GPR20: variants seen among roughly 807,000 people sequenced by gnomAD.
GPR20 encodes CTD-3064M3.3.
For synonymous variants in GPR20, 241 were observed against 241.9 expected (o/e 1.00, Z 0.04); for missense variants, 494 against 527.4 (o/e 0.94, Z 0.62).
intron 1 of GPR20, among the ~76,000 whole-genome samples, chr8:141,359,214 C>CTG (rs1831697913): frequency 6.6e-6 from 1 of 152,146 alleles, no homozygotes; most frequent in South Asian, 2.1e-4. Flanking sequence ...GTGGCCCCTG[C>CTG]TGTAAACAGG....
At chr8:141,361,023 C>T (rs1438371989) in intron 1 of GPR20, among the ~76,000 whole-genome samples, 1 of 152,242 alleles carries the variant, frequency 6.6e-6, no homozygotes, top group Non-Finnish European at 1.5e-5. Context: ...GGAGATGGTC[C>T]TGTCTCCTCC....
chr8:141,361,538 G>A (rs1312443622), intron 1 of GPR20, among the ~76,000 whole-genome samples: 1 of 152,202 alleles, frequency 6.6e-6, no homozygotes, highest in East Asian at 1.9e-4. Context: ...GAAAGTATGG[G>A]ACAAGCTGCC....
At chr8:141,358,824 G>T (rs532964557) in intron 1 of GPR20, among the ~76,000 whole-genome samples, 4 of 152,194 alleles carry the variant, frequency 2.6e-5, no homozygotes, top group Non-Finnish European at 4.4e-5. Context: ...AGGCCCCTGT[G>T]GGGTGGCTGG....
At chr8:141,361,493 C>CA (rs1375515047) in intron 1 of GPR20, among the ~76,000 whole-genome samples, 1 of 152,210 alleles carries the variant, frequency 6.6e-6, no homozygotes. Flanking sequence ...CCTGATGTGC[C>CA]AGCCCAGAGT....
Position 141,357,858 on chromosome 8 carries a change from T to C in GPR20, c.66A>G (p.Thr22=). Reference sequence around the variant, plus strand: ...CCAGCCCGCTGGCATTGGTCCGCACTGTTGTCACTGCGGTGGCATTGGGGA... The same window carrying C: ...CCAGCCCGCTGGCATTGGTCCGCACCGTTGTCACTGCGGTGGCATTGGGGA... ...GAVPNATAVT[T]VRTNASGLEV... The change falls in exon 2 of 2, where the codon ACA becomes ACG. Residue 22 remains threonine, a synonymous_variant. Coordinates refer to ENST00000377741, the MANE Select transcript of GPR20 (RefSeq NM_005293.3). 4 of 1,611,126 alleles carry C rather than the reference T, an allele frequency of 2.5e-6. No individual in the cohort carries two copies. Among genetic ancestry groups the C allele is most frequent in the Non-Finnish European group, 3.4e-6 (4 of 1,178,632 alleles).
rs571270059 is a variant in GPR20, at chr8:141,356,637, C to T, written c.*210G>A. The T allele has an allele frequency of 4.0e-5, 20 of 500,736 alleles. No homozygotes were observed. The highest frequency in any genetic ancestry group is 1.1e-4 in the South Asian group (3 of 26,476). The allele number at this position is 500,736 out of a possible 1,614,324, so 31.0% of individuals were successfully genotyped here. A position where few individuals can be genotyped will look rare whatever the true frequency, so the allele number is the denominator to read the frequency against. On this transcript the variant is annotated 3_prime_UTR_variant, in exon 2 of 2. Transcript: ENST00000377741. ...CTATACCCCAGGAACAGCAAATCAC[C>T]GGCATTCAGGCCACCACATCCCATC...
At position 141,357,146 on chromosome 8, in the gene GPR20, G is replaced by C. The variant is rs36092215; in HGVS notation, c.778C>G (p.Arg260Gly). 6.2e-6 allele frequency: 10 copies of C among 1,609,282 alleles called. No individual in the cohort carries two copies. The African/African-American group carries it at 1.2e-4, about 19-fold the overall frequency. Reference sequence around the variant, plus strand: ...GGCCACAGCGCCACGGCCACTTGGCGGGCGTGGAAGGGCGTGAAGCAGACG... The same window carrying C: ...GGCCACAGCGCCACGGCCACTTGGCCGGCGTGGAAGGGCGTGAAGCAGACG... ...FLVCFTPFHARQVAVALWPDM... is the reference protein window; with the variant it reads ...FLVCFTPFHAGQVAVALWPDM... The change falls in exon 2 of 2, where the codon CGC (arginine) becomes GGC (glycine). Residue 260 changes from arginine (R) to glycine (G), a missense_variant. Arg to Gly is a moderately radical substitution (Grantham distance 125, BLOSUM62 -2). Transcript: ENST00000377741.
chr8:141,357,309 G>T lies in GPR20; in HGVS notation c.615C>A (p.Phe205Leu). 6.5e-7 allele frequency: 1 copy of T among 1,543,114 alleles called. No homozygotes were observed. The highest frequency in any genetic ancestry group is 8.7e-7 in the Non-Finnish European group (1 of 1,149,212). The change falls in exon 2 of 2, where the codon TTC (phenylalanine) becomes TTA (leucine). Residue 205 changes from phenylalanine to leucine, a missense_variant. Physicochemically the swap from Phe to Leu is conservative, Grantham distance 22. Coordinates refer to ENST00000377741, the MANE Select transcript of GPR20 (RefSeq NM_005293.3). ...CRVFALTVLE[F>L]LLPLLVISVF... ...CGCTGATGACCAGCAGGGGCAGCAG[G>T]AACTCCAGGACAGTCAGCGCAAAGA... is the stretch of plus-strand genomic sequence containing the variant.
At chr8:141,364,045 C>T (rs925241116) in intron 1 of GPR20, among the ~76,000 whole-genome samples, 6 of 152,252 alleles carry the variant, frequency 3.9e-5, no homozygotes, top group Non-Finnish European at 8.8e-5. Context: ...GAGTGGTGTC[C>T]TCACGGTTAC....
intron 1 of GPR20, among the ~76,000 whole-genome samples, chr8:141,364,950 T>C (rs7010189): frequency 0.021 from 3,270 of 152,286 alleles, 94 homozygotes; most frequent in African/African-American, 0.068. Flanking sequence ...CCTCAGCCTC[T>C]CCAGGAGCTG....
At position 141,357,214 on chromosome 8, in the gene GPR20, A is replaced by ACGCGG; in HGVS notation, c.705_709dup (p.Val237AlafsTer49). 1 of 1,568,794 alleles carries ACGCGG rather than the reference A, an allele frequency of 6.4e-7. No individual in the cohort carries two copies. The highest frequency in any genetic ancestry group is 1.1e-5 in the South Asian group (1 of 87,292). On this transcript the variant is annotated frameshift_variant, in exon 2 of 2. Coordinates refer to ENST00000377741, the MANE Select transcript of GPR20 (RefSeq NM_005293.3). LOFTEE classifies it low-confidence loss of function (END_TRUNC). ...CGTGAGCAGGAGCTGCATGGCCCGC[A>ACGCGG]CGCGGCGCTGGCGACCCTGGTGGAG...
At chr8:141,366,751 G>C (rs1586512587) in intron 1 of GPR20, among the ~76,000 whole-genome samples, 1 of 152,236 alleles carries the variant, frequency 6.6e-6, no homozygotes, top group East Asian at 1.9e-4. Context: ...TGAGGCCCCA[G>C]AGCCTGCCAA....
intron 1 of GPR20, among the ~76,000 whole-genome samples, chr8:141,366,411 G>T (rs1051274444): frequency 6.6e-6 from 1 of 152,084 alleles, no homozygotes; most frequent in East Asian, 1.9e-4. Context: ...GCTGCTCCAC[G>T]TCTGCCCCGC....
intron 1 of GPR20, among the ~76,000 whole-genome samples, chr8:141,363,535 G>C (rs1262342889): frequency 1.3e-5 from 2 of 152,238 alleles, no homozygotes; most frequent in Non-Finnish European, 2.9e-5. Context: ...CCAGAGCACT[G>C]ATGGGGGCTG....
chr8:141,358,321 A>G lies in GPR20; in HGVS notation c.-24-374T>C, dbSNP rs539662537. ...GATAAGGGCAAGACCACGGGGCTCC[A>G]GTGTGCAGTTCCAGGGCCTGGCTCC... On this transcript the variant is annotated intron_variant, in intron 1 of 1. Transcript: ENST00000377741. Among the ~76,000 whole-genome samples, 6 of 152,346 alleles carry G rather than the reference A, an allele frequency of 3.9e-5. No homozygotes were observed. The South Asian group carries it at 6.2e-4, about 16-fold the overall frequency.
chr8:141,357,192 G>A lies in GPR20; in HGVS notation c.732C>T (p.Leu244=), dbSNP rs1831657136. 1.3e-6 allele frequency: 2 copies of A among 1,591,662 alleles called. No homozygotes were observed. The highest frequency in any genetic ancestry group is 1.7e-6 in the Non-Finnish European group (2 of 1,171,756). Residue 244 remains leucine (L), a synonymous_variant, in exon 2 of 2, where the codon CTC becomes CTT. Coordinates refer to ENST00000377741, the MANE Select transcript of GPR20 (RefSeq NM_005293.3). ...AGACGAGAAAGATGATGAGCACCGT[G>A]AGCAGGAGCTGCATGGCCCGCACGC... ...QRRVRAMQLL[L]TVLIIFLVCF...
In GPR20 at chr8:141,357,000, G is replaced by A. The variant is rs758227302; in HGVS notation, c.924C>T (p.Val308=). 1 of 1,613,132 alleles carries A rather than the reference G, an allele frequency of 6.2e-7. No individual in the cohort carries two copies. Among genetic ancestry groups the A allele is most frequent in the Non-Finnish European group, 8.5e-7 (1 of 1,179,922 alleles). ...CTCCGTGCTGGCCGAAGAGGCCTCG[G>A]ACGGTGGCCTGGAAGCCACTGGTGA... ...CFVTSGFQAT[V]RGLFGQHGER... Residue 308 remains valine (V), a synonymous_variant, in exon 2 of 2, where the codon GTC becomes GTT. Transcript: ENST00000377741.
At chr8:141,364,612 AC>A (rs1415980435) in intron 1 of GPR20, among the ~76,000 whole-genome samples, 1 of 152,192 alleles carries the variant, frequency 6.6e-6, no homozygotes, top group Non-Finnish European at 1.5e-5. Flanking sequence ...GTGGGGAAGG[AC>A]ACCTGGGCCC....
rs1001674111 is a variant in GPR20, at chr8:141,356,647, G to A, written c.*200C>T. Reference sequence around the variant, plus strand: ...GGAACAGCAAATCACCGGCATTCAGGCCACCACATCCCATCGGAGCCAGTG... The same window carrying A: ...GGAACAGCAAATCACCGGCATTCAGACCACCACATCCCATCGGAGCCAGTG... On this transcript the variant is annotated 3_prime_UTR_variant, in exon 2 of 2. Coordinates refer to ENST00000377741, the MANE Select transcript of GPR20 (RefSeq NM_005293.3). 2 of 509,346 alleles carry A rather than the reference G, an allele frequency of 3.9e-6. No homozygotes were observed. The highest frequency in any genetic ancestry group is 6.9e-6 in the Non-Finnish European group (2 of 290,026). The allele number at this position is 509,346 out of a possible 1,614,324, so 31.6% of individuals were successfully genotyped here. A position where few individuals can be genotyped will look rare whatever the true frequency, so the allele number is the denominator to read the frequency against.
Sources: gnomAD v4.1 joint callset for allele counts (sites outside exome capture counted in the v4.1 genomes callset) on GRCh38, gnomAD v4.1.1 for gene constraint, MANE v1.5 for transcripts, NCBI Gene and HGNC (gene_info 2026-07-23, HGNC 2026-07-21) for gene names.